HSD17B12: variants seen among roughly 807,000 people sequenced by gnomAD.
The protein encoded by HSD17B12 is very-long-chain 3-oxoacyl-CoA reductase.
Under a neutral mutation model 39.3 loss-of-function variants are expected in HSD17B12, and 32 were observed. The ratio of observed to expected loss-of-function variants is 0.81; its 90% CI spans 0.61 to 1.09. HSD17B12 has a LOEUF of 1.09. Among genes scored for constraint, HSD17B12 ranks in the 50% least tolerant of loss-of-function variants. HSD17B12 has a pLI of 0.00. For synonymous variants in HSD17B12, 150 were observed against 146.7 expected (o/e 1.02, Z -0.16); for missense variants, 342 against 382.9 (o/e 0.89, Z 0.89).
At chr11:43,721,580 C>A (rs914944692) in intron 1 of HSD17B12, among the ~76,000 whole-genome samples, 3 of 152,022 alleles carry the variant, frequency 2.0e-5, no homozygotes, top group African/African-American at 7.2e-5. Flanking sequence ...GATCGCACCA[C>A]TGCACTCCAG....
chr11:43,786,662 C>G (rs1256768721), intron 3 of HSD17B12, among the ~76,000 whole-genome samples: 1 of 152,112 alleles, frequency 6.6e-6, no homozygotes, highest in Non-Finnish European at 1.5e-5. Context: ...TTACAGCTTT[C>G]CTGGTTTGAG....
At chr11:43,577,929 G>A in the HSD17B12 span, among the ~76,000 whole-genome samples, 1 of 152,234 alleles carries the variant, frequency 6.6e-6, no homozygotes, top group Non-Finnish European at 1.5e-5. Flanking sequence ...GTTGTGGGCT[G>A]GACCCAGACT....
intron 1 of HSD17B12, among the ~76,000 whole-genome samples, chr11:43,714,618 G>A (rs1441385670): frequency 3.3e-5 from 5 of 152,058 alleles, no homozygotes; most frequent in African/African-American, 9.7e-5. Context: ...CTCTTTTTTG[G>A]TTCCATATGA....
intron 1 of HSD17B12, among the ~76,000 whole-genome samples, chr11:43,694,656 T>C (rs1464259746): frequency 6.6e-6 from 1 of 152,060 alleles, no homozygotes; most frequent in Non-Finnish European, 1.5e-5. Context: ...CCACTGCACT[T>C]CAGCCTGGGT....
At chr11:43,577,240 G>C in the HSD17B12 span, among the ~76,000 whole-genome samples, 3 of 152,244 alleles carry the variant, frequency 2.0e-5, no homozygotes, top group Non-Finnish European at 2.9e-5. Flanking sequence ...CGCCAGCTGC[G>C]GTTAGCCCCG....
At chr11:43,659,416 G>A in the HSD17B12 span, among the ~76,000 whole-genome samples, 1 of 152,164 alleles carries the variant, frequency 6.6e-6, no homozygotes, top group Non-Finnish European at 1.5e-5. Context: ...CCACTGTCTG[G>A]CACTCCCCAG....
At chr11:43,694,004 GAT>G (rs749193830) in intron 1 of HSD17B12, among the ~76,000 whole-genome samples, 13 of 152,284 alleles carry the variant, frequency 8.5e-5, no homozygotes, top group Non-Finnish European at 1.9e-4. Flanking sequence ...TCTCCTTACA[GAT>G]AACGTGAAAA....
At chr11:43,850,914 A>C (rs1302620303) in intron 9 of HSD17B12, among the ~76,000 whole-genome samples, 1 of 152,060 alleles carries the variant, frequency 6.6e-6, no homozygotes, top group Non-Finnish European at 1.5e-5. Context: ...ATACAAAATT[A>C]GCCGGGCGTG....
intron 1 of HSD17B12, among the ~76,000 whole-genome samples, chr11:43,715,000 C>T (rs1304805481): frequency 6.6e-6 from 1 of 152,158 alleles, no homozygotes; most frequent in African/African-American, 2.4e-5. Flanking sequence ...GCTGAATTTG[C>T]TTATCAGCTT....
intron 4 of HSD17B12, among the ~76,000 whole-genome samples, chr11:43,803,269 C>T (rs1011003332): frequency 6.6e-6 from 1 of 152,058 alleles, no homozygotes; most frequent in South Asian, 2.1e-4. Context: ...CTTATGATTA[C>T]CTGAATTTAT....
At chr11:43,647,442 A>ATTTT in the HSD17B12 span, among the ~76,000 whole-genome samples, 366 of 123,220 alleles carry the variant, frequency 3.0e-3, 7 homozygotes, top group African/African-American at 6.9e-3. Flanking sequence ...CACCTTGCTA[A>ATTTT]TTTTTTTTTT....
At chr11:43,753,468 A>G (rs762629350) in intron 2 of HSD17B12, among the ~76,000 whole-genome samples, 18 of 144,606 alleles carry the variant, frequency 1.2e-4, no homozygotes, top group Non-Finnish European at 2.5e-4. Flanking sequence ...GGCTCACTGC[A>G]GTCTAAACTT....
chr11:43,716,269 A>G (rs1950122117), intron 1 of HSD17B12, among the ~76,000 whole-genome samples: 1 of 152,200 alleles, frequency 6.6e-6, no homozygotes, highest in Non-Finnish European at 1.5e-5. Context: ...ACAAAACAAA[A>G]GCAACCACAA....
intron 3 of HSD17B12, among the ~76,000 whole-genome samples, chr11:43,764,596 A>G (rs1468710279): frequency 6.6e-6 from 1 of 151,958 alleles, no homozygotes; most frequent in Non-Finnish European, 1.5e-5. Context: ...CAATTTTTCT[A>G]TTTATCTGTT....
At chr11:43,565,539 T>C in the HSD17B12 span, among the ~76,000 whole-genome samples, 1 of 152,210 alleles carries the variant, frequency 6.6e-6, no homozygotes, top group Admixed American at 6.5e-5. Context: ...GAGTTATGGC[T>C]TATAGCTACT....
At chr11:43,827,678 T>G (rs1387313789) in intron 6 of HSD17B12, among the ~76,000 whole-genome samples, 1 of 152,202 alleles carries the variant, frequency 6.6e-6, no homozygotes, top group Non-Finnish European at 1.5e-5. Flanking sequence ...TCAAGGATTT[T>G]CTAGGCCAGC....
chr11:43,678,441 G>A (rs546269266), upstream of HSD17B12, among the ~76,000 whole-genome samples: 19 of 152,260 alleles, frequency 1.2e-4, no homozygotes, highest in East Asian at 2.5e-3. Context: ...AGTTTAATTA[G>A]ATCCCATTTG....
chr11:43,657,008 G>A, the HSD17B12 span, among the ~76,000 whole-genome samples: 32 of 152,112 alleles, frequency 2.1e-4, no homozygotes, highest in African/African-American at 7.7e-4. Context: ...GGGTGTTAAA[G>A]TCTCCCATTA....
chr11:43,716,428 T>C (rs147889276), intron 1 of HSD17B12, among the ~76,000 whole-genome samples: 5 of 152,270 alleles, frequency 3.3e-5, no homozygotes, highest in Non-Finnish European at 7.4e-5. Context: ...TAAATAATGA[T>C]AAAATACTTG....
Sources: allele counts gnomAD v4.1 joint callset (sites outside exome capture counted in the v4.1 genomes callset), GRCh38; gene constraint gnomAD v4.1.1; transcripts MANE v1.5; gene names NCBI Gene and HGNC (gene_info 2026-07-23, HGNC 2026-07-21).